Variants in ACOXL observed in about 807,000 individuals in gnomAD.
ACOXL encodes acyl-coenzyme A oxidase-like protein.
In ACOXL, 70 loss-of-function variants were observed where a neutral mutation model predicts 71.9. The ratio of observed to expected loss-of-function variants is 0.97; its 90% CI spans 0.80 to 1.19. The LOEUF is 1.19. ACOXL is among the 50% of genes most tolerant of loss of function. ACOXL has a pLI of 0.00. For missense variants in ACOXL, 703 were observed against 736.3 expected, an observed-to-expected ratio of 0.95 and a Z score of 0.52; for synonymous variants, 253 against 281.6, an observed-to-expected ratio of 0.90 and a Z score of 1.02.
chr2:110,972,112 C>T (rs1021649895), intron 12 of ACOXL, among the ~76,000 whole-genome samples: 10 of 152,068 alleles, frequency 6.6e-5, no homozygotes, highest in African/African-American at 1.4e-4. Flanking sequence ...TTATCACATA[C>T]GTGGGAGCAT....
intron 2 of ACOXL, among the ~76,000 whole-genome samples, chr2:110,784,260 A>C (rs2105163570): frequency 6.7e-6 from 1 of 148,854 alleles, no homozygotes; most frequent in East Asian, 2.0e-4. Context: ...TGTCTGTACA[A>C]AAAAAAAAAA....
intron 10 of ACOXL, among the ~76,000 whole-genome samples, chr2:110,879,874 G>A (rs767431603): frequency 6.6e-6 from 1 of 152,142 alleles, no homozygotes; most frequent in Non-Finnish European, 1.5e-5. Context: ...GCTGGGCGTG[G>A]TGGGTCATGC....
chr2:111,009,799 A>G lies in ACOXL; in HGVS notation c.1281+13795A>G, dbSNP rs1242438864. Among the ~76,000 whole-genome samples, 4 of 152,316 alleles carry G rather than the reference A, an allele frequency of 2.6e-5. No homozygotes were observed. The East Asian group carries it at 7.7e-4, about 29-fold the overall frequency. ...AGAATTTTTAGTCTGAATCCTGCCAAGTTAGAGGGATGTGGTAAACTCATG... is the reference window on the plus strand; with the variant it reads ...AGAATTTTTAGTCTGAATCCTGCCAGGTTAGAGGGATGTGGTAAACTCATG... On this transcript the variant is annotated intron_variant, in intron 14 of 17. Transcript: ENST00000439055.
chr2:111,018,177 ACT>A (rs1246942002), intron 14 of ACOXL: 3 of 152,078 alleles, frequency 2.0e-5, no homozygotes, highest in Non-Finnish European at 4.4e-5. Context: ...TCCCCGAGGA[ACT>A]CTGTCTGGGA....
At chr2:110,979,167 A>T (rs561117526) in intron 12 of ACOXL, among the ~76,000 whole-genome samples, 16 of 152,264 alleles carry the variant, frequency 1.1e-4, no homozygotes, top group African/African-American at 3.9e-4. Context: ...CCCAGTCACT[A>T]CTGGGGTTAG....
chr2:111,076,518 T>A (rs1339552021), intron 16 of ACOXL, among the ~76,000 whole-genome samples: 2 of 152,238 alleles, frequency 1.3e-5, no homozygotes, highest in African/African-American at 2.4e-5. Flanking sequence ...TAGGTTTTTT[T>A]AAAACATTTA....
chr2:111,091,445 T>C (rs1217135832), intron 16 of ACOXL, among the ~76,000 whole-genome samples: 2 of 152,230 alleles, frequency 1.3e-5, no homozygotes, highest in Non-Finnish European at 2.9e-5. Flanking sequence ...TATTTTTGTA[T>C]ACCTGAGCGA....
chr2:110,962,798 A>G (rs540701289), intron 12 of ACOXL, among the ~76,000 whole-genome samples: 7 of 152,310 alleles, frequency 4.6e-5, no homozygotes, highest in Admixed American at 2.6e-4. Context: ...CTCCTGGGAG[A>G]AGTAACAGGA....
At chr2:111,096,227 T>TATTATA (rs762043493) in intron 17 of ACOXL, among the ~76,000 whole-genome samples, 25 of 52,650 alleles carry the variant, frequency 4.7e-4, no homozygotes, top group Admixed American at 4.3e-3. Context: ...TTTTTAAAAT[T>TATTATA]ATTATTATTA....
intron 11 of ACOXL, among the ~76,000 whole-genome samples, chr2:110,926,533 G>C (rs541875239): frequency 6.6e-6 from 1 of 152,134 alleles, no homozygotes; most frequent in Non-Finnish European, 1.5e-5. Context: ...CTGACATGCT[G>C]TGCGTCAGTT....
intron 12 of ACOXL, among the ~76,000 whole-genome samples, chr2:110,943,597 T>C (rs1366884199): frequency 1.3e-5 from 2 of 152,148 alleles, no homozygotes; most frequent in East Asian, 3.9e-4. Context: ...CCCCTTACTC[T>C]CTGCATTTGC....
intron 16 of ACOXL, among the ~76,000 whole-genome samples, chr2:111,056,727 G>A (rs948679502): frequency 1.3e-5 from 2 of 148,870 alleles, no homozygotes; most frequent in African/African-American, 5.0e-5. Flanking sequence ...GGCGGAGGTT[G>A]CAGTGAGCCG....
chr2:110,982,457 C>G (rs1184716560), intron 12 of ACOXL, among the ~76,000 whole-genome samples: 2 of 151,992 alleles, frequency 1.3e-5, no homozygotes, highest in East Asian at 3.9e-4. Context: ...TCCCTTCCAT[C>G]TCTGCCTATT....
intron 10 of ACOXL, among the ~76,000 whole-genome samples, chr2:110,875,751 C>T (rs982591088): frequency 5.3e-5 from 8 of 152,196 alleles, no homozygotes; most frequent in African/African-American, 1.9e-4. Context: ...CGCCTGACCT[C>T]TGTGAGCCTT....
At chr2:110,825,065 T>G (rs1030211918) in intron 9 of ACOXL, among the ~76,000 whole-genome samples, 1 of 152,244 alleles carries the variant, frequency 6.6e-6, no homozygotes, top group Non-Finnish European at 1.5e-5. Context: ...CTTTGCTACA[T>G]TGCTTTGAGT....
At chr2:110,914,985 C>T (rs552204286) in intron 11 of ACOXL, among the ~76,000 whole-genome samples, 49 of 152,130 alleles carry the variant, frequency 3.2e-4, no homozygotes, top group Non-Finnish European at 6.5e-4. Context: ...AAGCATTTAT[C>T]CTTTGTGTTA....
chr2:110,758,144 AG>A (rs1322857032), intron 1 of ACOXL, among the ~76,000 whole-genome samples: 1 of 152,232 alleles, frequency 6.6e-6, no homozygotes, highest in Non-Finnish European at 1.5e-5. Context: ...TTTATTAAAT[AG>A]GGAGTCCTTT....
intron 11 of ACOXL, among the ~76,000 whole-genome samples, chr2:110,915,281 C>T (rs1227576664): frequency 6.9e-6 from 1 of 145,614 alleles, no homozygotes; most frequent in African/African-American, 2.6e-5. Context: ...AGTTACATTA[C>T]TTTTCAAATT....
chr2:110,756,148 G>T (rs984592096), intron 1 of ACOXL, among the ~76,000 whole-genome samples: 7 of 151,576 alleles, frequency 4.6e-5, no homozygotes, highest in Non-Finnish European at 1.5e-5. Context: ...TTTTTCTGAA[G>T]CAGAGTCTTG....
Sources: allele counts gnomAD v4.1 joint callset (sites outside exome capture counted in the v4.1 genomes callset), GRCh38; gene constraint gnomAD v4.1.1; transcripts MANE v1.5; gene names NCBI Gene and HGNC (gene_info 2026-07-23, HGNC 2026-07-21).